PRKN: variants seen among roughly 807,000 people sequenced by gnomAD.
PRKN encodes the protein parkin RBR E3 ubiquitin protein ligase, also known as E3 ubiquitin-protein ligase parkin.
Under a neutral mutation model 59.5 loss-of-function variants are expected in PRKN, and 56 were observed. The observed-to-expected ratio is 0.94, with a 90% CI of 0.76 to 1.18. The LOEUF (loss-of-function observed/expected upper bound fraction) is 1.18. PRKN is among the 50% of genes most tolerant of loss of function. PRKN has a pLI of 0.00. For synonymous variants in PRKN, 250 were observed against 222.1 expected (o/e 1.13, Z -1.12); for missense variants, 657 against 596.4 (o/e 1.10, Z -1.06).
chr6:162,560,211 T>C (rs186506850), intron 1 of PRKN, among the ~76,000 whole-genome samples: 410 of 152,328 alleles, frequency 2.7e-3, no homozygotes, highest in Non-Finnish European at 4.8e-3. Context: ...ATACAACTAT[T>C]TGCATATAAG....
rs1780158549 is a variant in PRKN, at chr6:161,554,515, A to G, written c.934-5512T>C. 6.6e-6 allele frequency among the ~76,000 whole-genome samples: 1 copy of G among 151,926 alleles called. No homozygotes were observed. On this transcript the variant is annotated intron_variant, in intron 8 of 11. Transcript: ENST00000366898. This position sits in a 1 kb window ranked among gnomAD's most constrained non-coding sequence, Gnocchi z 4.5. ...GATTGCTTGAATCTTGTTCTCTAGT[A>G]AATTCCTCAGGAAGAGTTCCTGGGA...
intron 7 of PRKN, among the ~76,000 whole-genome samples, chr6:161,757,871 C>CTCTCTCTCTCTCTCTCTGTT (rs1380898753): frequency 1.0e-5 from 1 of 97,984 alleles, no homozygotes; most frequent in Non-Finnish European, 1.9e-5. Flanking sequence ...CTCTCTCTCT[C>CTCTCTCTCTCTCTCTCTGTT]TGTGTATATA....
At chr6:161,813,200 G>T (rs1185668822) in intron 6 of PRKN, among the ~76,000 whole-genome samples, 1 of 152,148 alleles carries the variant, frequency 6.6e-6, no homozygotes, top group African/African-American at 2.4e-5. Context: ...GAGAGGCTTA[G>T]CTTGTGGGAG....
rs201921264 is a variant in PRKN at position 162,085,011 on chromosome 6, A to AT, written c.535-30838dup. On this transcript the variant is annotated intron_variant, in intron 4 of 11. Transcript: ENST00000366898. Reference sequence around the variant, plus strand: ...GTGACATGTTATTCCATTATCACTCATTGCTATATTGATACAGACTAGTTG... The same window carrying AT: ...GTGACATGTTATTCCATTATCACTCATTTGCTATATTGATACAGACTAGTTG... Among the ~76,000 whole-genome samples, 71 of 151,594 alleles carry AT rather than the reference A, an allele frequency of 4.7e-4. No homozygotes were observed. The East Asian group carries it at 9.5e-3, about 20-fold the overall frequency.
chr6:161,976,680 C>T (rs1024541240), intron 5 of PRKN, among the ~76,000 whole-genome samples: 2 of 152,138 alleles, frequency 1.3e-5, no homozygotes, highest in African/African-American at 4.8e-5. Flanking sequence ...ATGACTGACC[C>T]TTATGAAATA....
chr6:161,947,793 A>G (rs571941308), intron 6 of PRKN, among the ~76,000 whole-genome samples: 93 of 152,324 alleles, frequency 6.1e-4, no homozygotes, highest in Non-Finnish European at 1.2e-3. Context: ...TACTTTAACA[A>G]ATATTTGACT....
chr6:161,710,528 T>A (rs979674323), intron 7 of PRKN, among the ~76,000 whole-genome samples: 1 of 152,160 alleles, frequency 6.6e-6, no homozygotes, highest in Non-Finnish European at 1.5e-5. Context: ...TGTGTGCATA[T>A]CTGTGTGCAT....
chr6:161,661,465 T>C (rs1446025137), intron 7 of PRKN, among the ~76,000 whole-genome samples: 1 of 152,134 alleles, frequency 6.6e-6, no homozygotes, highest in South Asian at 2.1e-4. Flanking sequence ...TCAGATATCA[T>C]GTACCACAGA....
Position 161,562,388 on chromosome 6 carries a change from C to T in PRKN, c.933+6967G>A, listed in dbSNP as rs1336254154. On this transcript the variant is annotated intron_variant, in intron 8 of 11. Coordinates refer to ENST00000366898, the MANE Select transcript of PRKN (RefSeq NM_004562.3). The surrounding 1 kb of genome is among the most constrained non-coding windows in gnomAD (Gnocchi z 4.3). The stretch of plus-strand genomic sequence containing the variant: ...TTTCCTTGAGGTTCCTTCTTGGTCT[C>T]CTTTGTTGGTTGCTGCTCTTTACCC... Among the ~76,000 whole-genome samples, 1 of 152,210 alleles carries T rather than the reference C, an allele frequency of 6.6e-6. No individual in the cohort carries two copies. The highest frequency in any genetic ancestry group is 6.5e-5 in the Admixed American group (1 of 15,286).
intron 6 of PRKN, among the ~76,000 whole-genome samples, chr6:161,950,501 C>T (rs935350081): frequency 9.2e-5 from 14 of 152,134 alleles, no homozygotes; most frequent in Admixed American, 1.3e-4. Context: ...GCCGAGATTG[C>T]GCCACTGCAC....
In PRKN at chr6:161,953,361, C is replaced by T. The variant is rs556910268; in HGVS notation, c.734+19941G>A. On this transcript the variant is annotated intron_variant, in intron 6 of 11. Transcript: ENST00000366898. ...CCTGACCTGGGTGATCCACCTGCCT[C>T]GGCCTCCCAAAATGTTGGGATTACA... 9.2e-5 allele frequency among the ~76,000 whole-genome samples: 14 copies of T among 152,284 alleles called. No homozygotes were observed. In the South Asian group the frequency reaches 1.5e-3, roughly 16 times the overall value.
intron 6 of PRKN, among the ~76,000 whole-genome samples, chr6:161,889,079 G>A (rs972182289): frequency 4.6e-5 from 7 of 151,728 alleles, no homozygotes; most frequent in East Asian, 3.9e-4. Context: ...ATATATGATC[G>A]GCAAGAAAAT....
At chr6:162,189,018 C>G (rs1266513688) in intron 4 of PRKN, among the ~76,000 whole-genome samples, 1 of 151,076 alleles carries the variant, frequency 6.6e-6, no homozygotes, top group African/African-American at 2.4e-5. Context: ...TTCTAATTAT[C>G]TTCTATAGGA....
chr6:162,585,849 G>A (rs756480038), intron 1 of PRKN, among the ~76,000 whole-genome samples: 2 of 151,486 alleles, frequency 1.3e-5, no homozygotes, highest in African/African-American at 4.9e-5. Flanking sequence ...TTACAGGCGC[G>A]TGCCACCATG....
chr6:162,145,702 C>G (rs1165158084), intron 4 of PRKN, among the ~76,000 whole-genome samples: 1 of 152,170 alleles, frequency 6.6e-6, no homozygotes, highest in Non-Finnish European at 1.5e-5. Flanking sequence ...CCATTGGCCA[C>G]TTGGTGGACA....
intron 2 of PRKN, among the ~76,000 whole-genome samples, chr6:162,364,555 A>G (rs1785319204): frequency 6.6e-6 from 1 of 152,238 alleles, no homozygotes; most frequent in African/African-American, 2.4e-5. Context: ...GGCTTCAAAC[A>G]TCAAAGAAGG....
In PRKN at chr6:162,605,869, T is replaced by C. The variant is rs185550410; in HGVS notation, c.7+121793A>G. Among the ~76,000 whole-genome samples the C allele has an allele frequency of 2.0e-5, 3 of 152,294 alleles. No individual in the cohort carries two copies. The East Asian group carries it at 5.8e-4, about 29-fold the overall frequency. On this transcript the variant is annotated intron_variant, in intron 1 of 11. Transcript: ENST00000366898. ...TAGACAAAAATTTGCCAATGGCTTC[T>C]ATTTTAAGTATTCATATTTAAGCCA...
At position 161,857,937 on chromosome 6, in the gene PRKN, T is replaced by C. The variant is rs75531882; in HGVS notation, c.735-72029A>G. Reference sequence around the variant, plus strand: ...CTGCAAGGTAACAGGTAGGCAAGGTTTGTTGTAGCATCCAATTATCACGTT... The same window carrying C: ...CTGCAAGGTAACAGGTAGGCAAGGTCTGTTGTAGCATCCAATTATCACGTT... On this transcript the variant is annotated intron_variant, in intron 6 of 11. Transcript: ENST00000366898. 2.3e-3 allele frequency among the ~76,000 whole-genome samples: 350 copies of C among 152,322 alleles called. 1 individual carries two copies. Among genetic ancestry groups the C allele is most frequent in the African/African-American group, 7.9e-3 (330 of 41,572 alleles).
chr6:162,361,417 T>C (rs1469117305), intron 2 of PRKN, among the ~76,000 whole-genome samples: 1 of 150,066 alleles, frequency 6.7e-6, no homozygotes, highest in Non-Finnish European at 1.5e-5. Flanking sequence ...AAAAAAAGAG[T>C]GAGCTTTCTA....
Sources: gnomAD v4.1 joint callset for allele counts (sites outside exome capture counted in the v4.1 genomes callset) on GRCh38, gnomAD v4.1.1 for gene constraint, Gnocchi (gnomAD v3.1) non-coding constraint, MANE v1.5 for transcripts, NCBI Gene and HGNC (gene_info 2026-07-23, HGNC 2026-07-21) for gene names.